Variants in EPHA7 observed in about 807,000 individuals in gnomAD.
The protein encoded by EPHA7 is ephrin type-A receptor 7.
EPHA7 carries 25 observed loss-of-function variants against 112.6 expected under a neutral mutation model. The ratio of observed to expected loss-of-function variants is 0.22; its 90% CI spans 0.16 to 0.31. The LOEUF (loss-of-function observed/expected upper bound fraction) is 0.31. Among genes scored for constraint, EPHA7 ranks in the 10% least tolerant of loss-of-function variants. The pLI is 1.00. For missense variants in EPHA7, 962 were observed against 1,212.6 expected (o/e 0.79, Z 3.07); for synonymous variants, 437 against 406.5 (o/e 1.07, Z -0.90).
chr6:93,352,231 C>T (rs918416164), intron 5 of EPHA7, among the ~76,000 whole-genome samples: 1 of 152,018 alleles, frequency 6.6e-6, no homozygotes, highest in African/African-American at 2.4e-5. Flanking sequence ...ATTACAATTG[C>T]TTAAATAATC....
intron 12 of EPHA7, 33 bp from the exon 13 acceptor site, chr6:93,256,070 C>A: frequency 6.3e-7 from 1 of 1,595,924 alleles, no homozygotes; most frequent in Non-Finnish European, 8.6e-7. Flanking sequence ...GCCCAGTTAA[C>A]TGCATACTTT....
At chr6:93,324,509 G>A (rs1479626171) in intron 5 of EPHA7, among the ~76,000 whole-genome samples, 3 of 151,238 alleles carry the variant, frequency 2.0e-5, no homozygotes, top group Non-Finnish European at 4.4e-5. Flanking sequence ...GGCAAAAATG[G>A]GATCACAGAA....
At chr6:93,320,226 T>C (rs1334809217) in intron 5 of EPHA7, among the ~76,000 whole-genome samples, 1 of 152,040 alleles carries the variant, frequency 6.6e-6, no homozygotes, top group Non-Finnish European at 1.5e-5. Flanking sequence ...GGTTTTATTT[T>C]ACTCAGAAGT....
At chr6:93,338,909 T>C (rs1775006943) in intron 5 of EPHA7, among the ~76,000 whole-genome samples, 1 of 150,096 alleles carries the variant, frequency 6.7e-6, no homozygotes. Context: ...CTCTATATTA[T>C]ATATCTCTCC....
At chr6:93,308,017 C>T (rs1228507608) in intron 5 of EPHA7, among the ~76,000 whole-genome samples, 1 of 152,124 alleles carries the variant, frequency 6.6e-6, no homozygotes, top group African/African-American at 2.4e-5. Flanking sequence ...TCCTGAGTTG[C>T]TGTGCTCTTG....
intron 1 of EPHA7, among the ~76,000 whole-genome samples, chr6:93,418,754 C>T (rs937223572): frequency 1.3e-5 from 2 of 152,206 alleles, no homozygotes; most frequent in Non-Finnish European, 2.9e-5. Context: ...ATCGAAGTCT[C>T]GGTCCCTCTG....
chr6:93,343,566 G>A (rs1238526395), intron 5 of EPHA7, among the ~76,000 whole-genome samples: 1 of 151,708 alleles, frequency 6.6e-6, no homozygotes, highest in Non-Finnish European at 1.5e-5. Flanking sequence ...AACACCCAGT[G>A]CATTTTATCA....
At position 93,414,121 on chromosome 6, in the gene EPHA7, A is replaced by G. The variant is rs549885165; in HGVS notation, c.162+582T>C. The stretch of plus-strand genomic sequence containing the variant: ...TCACTCATATCTATTGCAGATTTTT[A>G]TTGTAATATGTGCAGGCTTTGCCAT... On this transcript the variant is annotated intron_variant, in intron 2 of 16. Coordinates refer to ENST00000369303, the MANE Select transcript of EPHA7 (RefSeq NM_004440.4). 1.2e-4 allele frequency among the ~76,000 whole-genome samples: 18 copies of G among 152,038 alleles called. No homozygotes were observed. In the East Asian group the frequency reaches 3.3e-3, roughly 28 times the overall value.
At chr6:93,345,458 T>C (rs1325357853) in intron 5 of EPHA7, among the ~76,000 whole-genome samples, 2 of 151,756 alleles carry the variant, frequency 1.3e-5, no homozygotes, top group South Asian at 2.1e-4. Context: ...ATCTCTGCCA[T>C]GTATTTTGCC....
intron 3 of EPHA7, among the ~76,000 whole-genome samples, chr6:93,382,360 C>T (rs1409390265): frequency 1.3e-5 from 2 of 152,044 alleles, no homozygotes; most frequent in Non-Finnish European, 1.5e-5. Context: ...CAGTAAGGTT[C>T]GTACTCCTAT....
intron 5 of EPHA7, among the ~76,000 whole-genome samples, chr6:93,340,723 G>C (rs915362074): frequency 6.6e-6 from 1 of 151,812 alleles, no homozygotes; most frequent in African/African-American, 2.4e-5. Flanking sequence ...ACTAATACTT[G>C]GGTAAAAAGT....
chr6:93,321,207 G>T (rs1774053348), intron 5 of EPHA7, among the ~76,000 whole-genome samples: 2 of 151,964 alleles, frequency 1.3e-5, no homozygotes, highest in African/African-American at 4.8e-5. Flanking sequence ...CACCAAGTTT[G>T]TCTACAGAAT....
chr6:93,295,231 T>A (rs1772597989), intron 5 of EPHA7, among the ~76,000 whole-genome samples: 1 of 152,066 alleles, frequency 6.6e-6, no homozygotes, highest in Admixed American at 6.5e-5. Context: ...GATTTACATA[T>A]CTGCAGTTCA....
chr6:93,265,186 T>A (rs1204426387), intron 7 of EPHA7, among the ~76,000 whole-genome samples: 1 of 151,676 alleles, frequency 6.6e-6, no homozygotes, highest in Non-Finnish European at 1.5e-5. Context: ...GAAAGCATCA[T>A]GTAATCATAA....
At chr6:93,273,864 C>T (rs1006683310) in intron 5 of EPHA7, among the ~76,000 whole-genome samples, 4 of 152,106 alleles carry the variant, frequency 2.6e-5, no homozygotes, top group Admixed American at 6.6e-5. Context: ...TAGACTGCAA[C>T]GTTCAAGAGG....
intron 5 of EPHA7, among the ~76,000 whole-genome samples, chr6:93,306,264 CA>C (rs1294580268): frequency 1.3e-5 from 2 of 151,904 alleles, no homozygotes; most frequent in Non-Finnish European, 2.9e-5. Flanking sequence ...GAGAAGTTTA[CA>C]TTTTATCTCA....
intron 3 of EPHA7, among the ~76,000 whole-genome samples, chr6:93,409,378 A>T (rs1031666342): frequency 6.6e-6 from 1 of 151,966 alleles, no homozygotes; most frequent in African/African-American, 2.4e-5. Context: ...TTTACTCTTG[A>T]TATCCTCTAT....
intron 3 of EPHA7, among the ~76,000 whole-genome samples, chr6:93,366,473 G>A (rs1582604881): frequency 6.6e-6 from 1 of 152,204 alleles, no homozygotes; most frequent in African/African-American, 2.4e-5. Flanking sequence ...CCTTCCAATT[G>A]TTTTAATTGA....
At chr6:93,347,420 G>C (rs1775455562) in intron 5 of EPHA7, among the ~76,000 whole-genome samples, 1 of 148,044 alleles carries the variant, frequency 6.8e-6, no homozygotes, top group Non-Finnish European at 1.5e-5. Context: ...CACTAAACAA[G>C]TTAAGGGTTT....
Sources: allele counts gnomAD v4.1 joint callset (sites outside exome capture counted in the v4.1 genomes callset), GRCh38; gene constraint gnomAD v4.1.1; transcripts MANE v1.5; gene names NCBI Gene and HGNC (gene_info 2026-07-23, HGNC 2026-07-21).